SKI: variants seen among roughly 807,000 people sequenced by gnomAD.
SKI encodes ski oncogene.
Under a neutral mutation model 59.3 loss-of-function variants are expected in SKI, and 23 were observed. The observed-to-expected ratio is 0.39, with a 90% CI of 0.28 to 0.55. The LOEUF (loss-of-function observed/expected upper bound fraction) is 0.55. SKI is among the 20% of genes least tolerant of loss of function. SKI has a pLI of 0.67. For missense variants in SKI, 1,017 were observed against 1,038.9 expected, an observed-to-expected ratio of 0.98 and a Z score of 0.29; for synonymous variants, 673 against 488.6, an observed-to-expected ratio of 1.38 and a Z score of -4.98.
chr1:2,278,677 C>T (rs1639800341), intron 1 of SKI, among the ~76,000 whole-genome samples: 5 of 151,662 alleles, frequency 3.3e-5, no homozygotes, highest in Admixed American at 2.6e-4. Flanking sequence ...TAGGAAGTCA[C>T]TGATGCCACT....
chr1:2,241,895 C>T (rs549258887), intron 1 of SKI, among the ~76,000 whole-genome samples: 4 of 152,312 alleles, frequency 2.6e-5, no homozygotes, highest in East Asian at 3.9e-4. Context: ...TGCTGCTTTT[C>T]GGGACCCAGG....
chr1:2,303,837 C>T lies in SKI; in HGVS notation c.1212-3C>T. On this transcript the variant is annotated splice_region_variant and splice_polypyrimidine_tract_variant and intron_variant, in intron 3 of 6. Coordinates refer to ENST00000378536, the MANE Select transcript of SKI (RefSeq NM_003036.4). This position sits in a 1 kb window ranked among gnomAD's most constrained non-coding sequence, Gnocchi z 5.6. Reference sequence around the variant, plus strand: ...CCTTCCCGACACCCGCCTGCCCCTCCAGCTTCTACTCCTACAAGAGCTTTG... The same window carrying T: ...CCTTCCCGACACCCGCCTGCCCCTCTAGCTTCTACTCCTACAAGAGCTTTG... 6.2e-7 allele frequency: 1 copy of T among 1,612,428 alleles called. No individual in the cohort carries two copies. Among genetic ancestry groups the T allele is most frequent in the Non-Finnish European group, 8.5e-7 (1 of 1,179,736 alleles).
At chr1:2,302,938 G>C (rs776386707) in intron 1 of SKI, 40 bp from the exon 2 acceptor site, 1 of 1,612,996 alleles carries the variant, frequency 6.2e-7, no homozygotes, top group Non-Finnish European at 8.5e-7. Context: ...ACCCTGCCCT[G>C]GGAACCACAG....
chr1:2,284,731 A>G (rs1639996330), intron 1 of SKI, among the ~76,000 whole-genome samples: 1 of 152,146 alleles, frequency 6.6e-6, no homozygotes, highest in Admixed American at 6.5e-5. Flanking sequence ...GGAGGGCTCC[A>G]GGCAGGGAAG....
intron 1 of SKI, among the ~76,000 whole-genome samples, chr1:2,286,014 C>T (rs1640033700): frequency 1.3e-5 from 2 of 151,814 alleles, no homozygotes; most frequent in South Asian, 2.1e-4. Flanking sequence ...GCTGGGACTA[C>T]AGGCACGCAC....
intron 1 of SKI, among the ~76,000 whole-genome samples, chr1:2,300,094 AG>A (rs1056759942): frequency 6.6e-6 from 1 of 152,174 alleles, no homozygotes; most frequent in African/African-American, 2.4e-5. Flanking sequence ...CTGCCCTGGC[AG>A]GGGGGCACCT....
At chr1:2,238,476 C>G (rs1407949188) in intron 1 of SKI, among the ~76,000 whole-genome samples, 1 of 152,246 alleles carries the variant, frequency 6.6e-6, no homozygotes, top group Non-Finnish European at 1.5e-5. Context: ...ATGGCCCTGA[C>G]AGGCTCTGAT....
At chr1:2,299,312 C>T (rs536872604) in intron 1 of SKI, among the ~76,000 whole-genome samples, 1 of 152,142 alleles carries the variant, frequency 6.6e-6, no homozygotes, top group South Asian at 2.1e-4. Flanking sequence ...TCCTCACGGA[C>T]TCTGGAAGTG....
intron 1 of SKI, among the ~76,000 whole-genome samples, chr1:2,246,713 C>G (rs1432083749): frequency 1.3e-5 from 2 of 152,174 alleles, no homozygotes; most frequent in Admixed American, 6.6e-5. Context: ...ATGACAGTGA[C>G]CTGCTGGGGC....
chr1:2,304,819 A>G (rs1315992768), intron 5 of SKI, among the ~76,000 whole-genome samples: 2 of 152,352 alleles, frequency 1.3e-5, no homozygotes, highest in Non-Finnish European at 1.5e-5. Flanking sequence ...CCAGGAGGCC[A>G]CTACATTTGG....
intron 1 of SKI, among the ~76,000 whole-genome samples, chr1:2,283,095 A>G (rs1228391771): frequency 1.3e-5 from 2 of 152,142 alleles, no homozygotes; most frequent in Admixed American, 6.5e-5. Flanking sequence ...ACCCCACGCC[A>G]TGGCCAGGGA....
Position 2,287,170 on chromosome 1 carries a change from C to T in SKI, c.970-15808C>T, listed in dbSNP as rs1284395855. ...CGGGGTGCCCTGGCCCAGGGTGCACCTGTGCTCTGGACCCTGGGCCGTGCG... is the reference window on the plus strand; with the variant it reads ...CGGGGTGCCCTGGCCCAGGGTGCACTTGTGCTCTGGACCCTGGGCCGTGCG... On this transcript the variant is annotated intron_variant, in intron 1 of 6. Coordinates refer to ENST00000378536, the MANE Select transcript of SKI (RefSeq NM_003036.4). Among the ~76,000 whole-genome samples, 3 of 152,220 alleles carry T rather than the reference C, an allele frequency of 2.0e-5. No individual in the cohort carries two copies. In the East Asian group the frequency reaches 5.8e-4, roughly 30 times the overall value.
chr1:2,249,625 C>G (rs1028685647), intron 1 of SKI, among the ~76,000 whole-genome samples: 1 of 152,190 alleles, frequency 6.6e-6, no homozygotes, highest in African/African-American at 2.4e-5. Flanking sequence ...CTTGACTCCC[C>G]ACCTGCTGCT....
intron 1 of SKI, among the ~76,000 whole-genome samples, chr1:2,241,170 C>T (rs1638861916): frequency 6.6e-6 from 1 of 152,222 alleles, no homozygotes; most frequent in African/African-American, 2.4e-5. Context: ...TCACACTTGC[C>T]TGTGGGGACC....
At chr1:2,239,916 G>A (rs138580516) in intron 1 of SKI, among the ~76,000 whole-genome samples, 1 of 152,356 alleles carries the variant, frequency 6.6e-6, no homozygotes, top group Non-Finnish European at 1.5e-5. Context: ...TCCTTTGCGG[G>A]TCCCCGTAAC....
intron 1 of SKI, among the ~76,000 whole-genome samples, chr1:2,235,850 G>C (rs1638739704): frequency 6.6e-6 from 1 of 152,268 alleles, no homozygotes; most frequent in South Asian, 2.1e-4. Context: ...TGGCGCCTGT[G>C]GCCCTCAGCA....
intron 1 of SKI, among the ~76,000 whole-genome samples, chr1:2,246,825 C>T (rs1049001924): frequency 6.6e-6 from 1 of 150,604 alleles, no homozygotes; most frequent in Non-Finnish European, 1.5e-5. Context: ...GTGTGCCTGG[C>T]CTGTAGCAGC....
At chr1:2,251,088 C>T (rs950647523) in intron 1 of SKI, among the ~76,000 whole-genome samples, 4 of 152,136 alleles carry the variant, frequency 2.6e-5, no homozygotes, top group Non-Finnish European at 4.4e-5. Context: ...GGGATGGGGA[C>T]GTGGGGCACT....
chr1:2,258,698 G>A (rs1258310004), intron 1 of SKI, among the ~76,000 whole-genome samples: 1 of 152,062 alleles, frequency 6.6e-6, no homozygotes, highest in Non-Finnish European at 1.5e-5. Context: ...GGGATTATAG[G>A]CGCCTGCCAC....
Sources: allele counts gnomAD v4.1 joint callset (sites outside exome capture counted in the v4.1 genomes callset), GRCh38; gene constraint gnomAD v4.1.1; non-coding constraint Gnocchi (gnomAD v3.1); transcripts MANE v1.5; gene names NCBI Gene and HGNC (gene_info 2026-07-23, HGNC 2026-07-21).